The following YIPF6 variants were observed in gnomAD, a reference collection of about 807,000 sequenced individuals.
YIPF6 encodes the protein Yip1 domain family member 6, also known as protein YIPF6.
In YIPF6, 3 loss-of-function variants were observed where a neutral mutation model predicts 16.8. The ratio of observed to expected loss-of-function variants is 0.18; its 90% CI spans 0.08 to 0.46. The LOEUF is 0.46. YIPF6 is among the 20% of genes least tolerant of loss of function. The pLI is 0.98. For missense variants in YIPF6, 145 were observed against 184.9 expected (o/e 0.78, Z 1.25); for synonymous variants, 67 against 61.9 (o/e 1.08, Z -0.38).
chrX:68,512,983 C>T (rs1258451499), intron 2 of YIPF6, among the ~76,000 whole-genome samples: 1 of 111,529 alleles, frequency 9.0e-6, no homozygotes, highest in African/African-American at 3.3e-5. Context: ...CTGAATGTCA[C>T]ATACTGTGTT....
At chrX:68,524,170 G>C (rs1288546617) in intron 6 of YIPF6, among the ~76,000 whole-genome samples, 1 of 110,884 alleles carries the variant, frequency 9.0e-6, no homozygotes, top group African/African-American at 3.3e-5. Flanking sequence ...ATGTGATGAT[G>C]ATGATGATTA....
In YIPF6 at chrX:68,511,695, T is replaced by TA. The variant is rs770800861; in HGVS notation, c.58-152dup. 1.4e-4 allele frequency: 69 copies of TA among 497,536 alleles called. No homozygotes were observed. In the African/African-American group the frequency reaches 1.5e-3, roughly 11 times the overall value. The allele number at this position is 497,536 out of a possible 1,213,427, so 41.0% of individuals were successfully genotyped here. A position where few individuals can be genotyped will look rare whatever the true frequency, so the allele number is the denominator to read the frequency against. On this transcript the variant is annotated intron_variant, in intron 1 of 6. Transcript: ENST00000462683. ...AAGAAATAAATTTGAGGATTATTGTTAACTGCATTGTGTAATGTCTGTTGA... is the reference window on the plus strand; with the variant it reads ...AAGAAATAAATTTGAGGATTATTGTTAAACTGCATTGTGTAATGTCTGTTGA...
chrX:68,511,801 T>G, intron 1 of YIPF6, 48 bp from the exon 2 acceptor site: 1 of 1,161,093 alleles, frequency 8.6e-7, no homozygotes, highest in Non-Finnish European at 1.1e-6. Context: ...ATATGAGGAA[T>G]GCTACAGTTT....
intron 4 of YIPF6, among the ~76,000 whole-genome samples, chrX:68,519,043 C>G (rs1158739007): frequency 8.9e-6 from 1 of 111,910 alleles, no homozygotes; most frequent in Non-Finnish European, 1.9e-5. Context: ...TCTGTTTTAG[C>G]CATGTCTATT....
intron 3 of YIPF6, among the ~76,000 whole-genome samples, chrX:68,516,986 T>A (rs1037053426): frequency 3.6e-5 from 4 of 110,190 alleles, no homozygotes; most frequent in Non-Finnish European, 7.6e-5. Flanking sequence ...ACCTGGCTAA[T>A]TTTTTTGTAT....
At chrX:68,519,855 C>G (rs2079119112) in intron 4 of YIPF6, among the ~76,000 whole-genome samples, 1 of 111,928 alleles carries the variant, frequency 8.9e-6, no homozygotes, top group African/African-American at 3.2e-5. Context: ...GGGATGCAGC[C>G]TAATGCCTTG....
rs1477176442 is a variant in YIPF6 at position 68,535,347 on chromosome X, G to A, written c.*3348G>A. The A allele has an allele frequency of 8.9e-6, 1 of 112,175 alleles. No individual in the cohort carries two copies. Among genetic ancestry groups the A allele is most frequent in the Non-Finnish European group, 1.9e-5 (1 of 53,287 alleles). The allele number at this position is 112,175 out of a possible 1,213,427, so 9.2% of individuals were successfully genotyped here. On this transcript the variant is annotated 3_prime_UTR_variant, in exon 7 of 7. Coordinates refer to ENST00000462683, the MANE Select transcript of YIPF6 (RefSeq NM_173834.4). ...TGTAACTACTAACAGTATTTGGACT[G>A]CCTGTTCATTCCTGGAGACAAAAAT...
chrX:68,522,374 G>A (rs1439830627), intron 5 of YIPF6, among the ~76,000 whole-genome samples: 1 of 108,741 alleles, frequency 9.2e-6, no homozygotes, highest in Non-Finnish European at 1.9e-5. Flanking sequence ...TCAGCTCACT[G>A]CAACCTCCAC....
At chrX:68,499,217 C>T in intron 1 of YIPF6, 94 bp downstream of exon 1, 1 of 1,050,868 alleles carries the variant, frequency 9.5e-7, no homozygotes, top group Non-Finnish European at 1.3e-6. Context: ...AGAGCCGGAG[C>T]TCCTTCCGCC....
intron 1 of YIPF6, among the ~76,000 whole-genome samples, chrX:68,501,240 C>T (rs1334893255): frequency 8.9e-6 from 1 of 111,978 alleles, no homozygotes; most frequent in Admixed American, 9.6e-5. Flanking sequence ...GAAAGTTACA[C>T]AAAGAATATT....
At chrX:68,522,333 T>G (rs1251633134) in intron 5 of YIPF6, among the ~76,000 whole-genome samples, 1 of 107,853 alleles carries the variant, frequency 9.3e-6, no homozygotes, top group Non-Finnish European at 1.9e-5. Flanking sequence ...GGAGTCTCGC[T>G]CTGTCCAGGC....
At chrX:68,504,556 G>A (rs749740873) in intron 1 of YIPF6, among the ~76,000 whole-genome samples, 1 of 111,777 alleles carries the variant, frequency 8.9e-6, no homozygotes, top group Non-Finnish European at 1.9e-5. Context: ...CTGTCATTCA[G>A]GAAATTCTAA....
chrX:68,517,924 C>T (rs1217785186), intron 3 of YIPF6, among the ~76,000 whole-genome samples: 1 of 106,552 alleles, frequency 9.4e-6, no homozygotes, highest in Non-Finnish European at 1.9e-5. Flanking sequence ...CATGATCGCA[C>T]CACTGCACTC....
intron 1 of YIPF6, among the ~76,000 whole-genome samples, chrX:68,511,243 ATTTTC>A (rs2079079860): frequency 8.9e-6 from 1 of 112,562 alleles, no homozygotes; most frequent in Admixed American, 9.4e-5. Flanking sequence ...CATTGCCTCT[ATTTTC>A]TTAGGAATTT....
At chrX:68,509,515 G>T (rs529078952) in intron 1 of YIPF6, among the ~76,000 whole-genome samples, 3 of 111,429 alleles carry the variant, frequency 2.7e-5, no homozygotes, top group African/African-American at 9.8e-5. Context: ...ACTTCCTCCA[G>T]CAGTAGACTG....
At chrX:68,515,550 A>G (rs939068250) in intron 3 of YIPF6, among the ~76,000 whole-genome samples, 3 of 111,446 alleles carry the variant, frequency 2.7e-5, no homozygotes, top group African/African-American at 9.8e-5. Context: ...CCACCTCTGT[A>G]TCTGTCCTAT....
intron 1 of YIPF6, among the ~76,000 whole-genome samples, chrX:68,507,511 G>C (rs1390652098): frequency 9.0e-6 from 1 of 111,418 alleles, no homozygotes; most frequent in African/African-American, 3.3e-5. Flanking sequence ...CTCTAAAAGT[G>C]TCCCTCCATT....
chrX:68,511,586 A>T (rs930093683), intron 1 of YIPF6, among the ~76,000 whole-genome samples: 1 of 112,263 alleles, frequency 8.9e-6, no homozygotes, highest in Non-Finnish European at 1.9e-5. Flanking sequence ...AGCTTGTGCC[A>T]TGTGAAGATT....
Position 68,521,354 on chromosome X carries a change from G to C in YIPF6, c.309-18G>C, listed in dbSNP as rs142391064. The C allele has an allele frequency of 0.036, 42,982 of 1,201,979 alleles. 631 individuals carry two copies. Among genetic ancestry groups the C allele is most frequent in the Non-Finnish European group, 0.04 (35,851 of 892,388 alleles). On this transcript the variant is annotated intron_variant, in intron 4 of 6. Coordinates refer to ENST00000462683, the MANE Select transcript of YIPF6 (RefSeq NM_173834.4). Reference sequence around the variant, plus strand: ...AAGTAAAAGATTAAGCAATTCTTACGCTGTTTCCTTTTCTCAGAATGCTGC... The same window carrying C: ...AAGTAAAAGATTAAGCAATTCTTACCCTGTTTCCTTTTCTCAGAATGCTGC...
Sources: allele counts gnomAD v4.1 joint callset (sites outside exome capture counted in the v4.1 genomes callset), GRCh38; gene constraint gnomAD v4.1.1; transcripts MANE v1.5; gene names NCBI Gene and HGNC (gene_info 2026-07-23, HGNC 2026-07-21).